Variants in ZNF280C observed in about 807,000 individuals in gnomAD.
ZNF280C encodes suppressor of hairy wing homolog 3.
ZNF280C carries 14 observed loss-of-function variants against 53.6 expected under a neutral mutation model. That is an observed-to-expected ratio of 0.26 (90% CI 0.17 to 0.41). ZNF280C has a LOEUF of 0.41. Ranked by LOEUF, ZNF280C falls within the 10% of genes least tolerant of loss-of-function variation. The pLI is 1.00. For missense variants in ZNF280C, 416 were observed against 547.1 expected (o/e 0.76, Z 2.39); for synonymous variants, 203 against 181.1 (o/e 1.12, Z -0.97).
intron 2 of ZNF280C, among the ~76,000 whole-genome samples, chrX:130,253,456 G>C (rs1475149041): frequency 8.9e-6 from 1 of 112,159 alleles, no homozygotes; most frequent in Non-Finnish European, 1.9e-5. Context: ...GGATAGCCAA[G>C]ACAAACCTAA....
intron 1 of ZNF280C, among the ~76,000 whole-genome samples, chrX:130,267,454 A>G (rs1395495797): frequency 8.9e-6 from 1 of 111,898 alleles, no homozygotes; most frequent in East Asian, 2.8e-4. Context: ...CCTAGGTTTA[A>G]GAATTGGTTC....
chrX:130,230,369 T>C, intron 9 of ZNF280C, 141 bp downstream of exon 9: 2 of 383,034 alleles, frequency 5.2e-6, no homozygotes, highest in Non-Finnish European at 8.6e-6. Flanking sequence ...ACAAAAGCTT[T>C]TCAACATGAT....
intron 1 of ZNF280C, among the ~76,000 whole-genome samples, chrX:130,263,684 A>G (rs2032654946): frequency 9.0e-6 from 1 of 111,680 alleles, no homozygotes; most frequent in Non-Finnish European, 1.9e-5. Flanking sequence ...TGCACACTTC[A>G]AATGAGTAAA....
In ZNF280C at chrX:130,215,967, T is replaced by C; in HGVS notation, c.1662A>G (p.Lys554=). The C allele has an allele frequency of 8.3e-7, 1 of 1,211,267 alleles. No individual in the cohort carries two copies. The highest frequency in any genetic ancestry group is 3.0e-5 in the East Asian group (1 of 33,832). Residue 554 remains lysine, a synonymous_variant, in exon 14 of 19, where the codon AAA becomes AAG. Coordinates refer to ENST00000370978, the MANE Select transcript of ZNF280C (RefSeq NM_017666.5). ...SQNTTARNPR[K]SNASRSKTSK... is the part of the protein sequence containing the mutation. The stretch of plus-strand genomic sequence containing the variant: ...TTGTCTTAGATCTACTGGCATTAGA[T>C]TTTCTAGGATTTCTAGCAGTTGTAT...
chrX:130,229,538 C>T (rs1325487365), intron 9 of ZNF280C, among the ~76,000 whole-genome samples: 1 of 112,134 alleles, frequency 8.9e-6, no homozygotes, highest in African/African-American at 3.2e-5. Flanking sequence ...AGTGAAGAGA[C>T]AAATCTTTGA....
intron 2 of ZNF280C, among the ~76,000 whole-genome samples, chrX:130,255,755 G>A (rs1293955894): frequency 9.0e-6 from 1 of 111,432 alleles, no homozygotes; most frequent in East Asian, 2.8e-4. Context: ...AGGAGTTCGA[G>A]ACCAGCATGG....
intron 11 of ZNF280C, 47 bp from the exon 12 acceptor site, chrX:130,226,952 C>T (rs1444530147): frequency 9.0e-7 from 1 of 1,114,594 alleles, no homozygotes; most frequent in Admixed American, 2.6e-5. Context: ...TTTATAACTT[C>T]TTGCAATTAC....
At chrX:130,209,523 T>A in intron 16 of ZNF280C, 130 bp downstream of exon 16, 1 of 544,184 alleles carries the variant, frequency 1.8e-6, no homozygotes, top group Non-Finnish European at 3.1e-6. Context: ...TGATAGGCTA[T>A]CCCTCCAACT....
chrX:130,247,048 A>G (rs1172316408), intron 2 of ZNF280C, 43 bp from the exon 3 acceptor site: 3 of 1,141,231 alleles, frequency 2.6e-6, no homozygotes, highest in East Asian at 3.0e-5. Flanking sequence ...TTTCAAAGAG[A>G]AAAATATTTT....
Position 130,260,437 on chromosome X carries a change from T to TGTC in ZNF280C, c.10_12dup (p.Asp4dup). ...TACTTACTTTTTGGTTGAAAAGGTT[T>TGTC]GTCGTCATCCATGAAGTTGCAAGGT... On this transcript the variant is annotated inframe_insertion, in exon 2 of 19. Transcript: ENST00000370978. 2 of 1,199,426 alleles carry TGTC rather than the reference T, an allele frequency of 1.7e-6. No homozygotes were observed. The highest frequency in any genetic ancestry group is 3.5e-5 in the African/African-American group (2 of 57,336).
intron 1 of ZNF280C, among the ~76,000 whole-genome samples, chrX:130,264,035 A>G (rs1242846625): frequency 1.9e-5 from 2 of 104,780 alleles, no homozygotes; most frequent in African/African-American, 7.2e-5. Context: ...AAAAAAAAAA[A>G]AAAAAAGAAA....
At chrX:130,247,709 GA>G (rs1179148654) in intron 2 of ZNF280C, among the ~76,000 whole-genome samples, 3 of 108,991 alleles carry the variant, frequency 2.8e-5, no homozygotes, top group African/African-American at 6.7e-5. Flanking sequence ...GCTATTATCT[GA>G]AAAAAAAATT....
Position 130,239,571 on chromosome X carries a change from C to A in ZNF280C, c.493+11G>T. The A allele has an allele frequency of 9.3e-7, 1 of 1,079,255 alleles. No individual in the cohort carries two copies. 88.9% of individuals were successfully genotyped at this position (1,079,255 alleles called of 1,213,427 possible). ...TTTTTATAATTTTTATGAAAGAGTG[C>A]TAAACCAAACCTTCTCTAAAAATTG... is the stretch of plus-strand genomic sequence containing the variant. On this transcript the variant is annotated intron_variant, in intron 6 of 18. Coordinates refer to ENST00000370978, the MANE Select transcript of ZNF280C (RefSeq NM_017666.5).
intron 15 of ZNF280C, among the ~76,000 whole-genome samples, chrX:130,211,511 T>C (rs773876228): frequency 1.8e-5 from 2 of 111,569 alleles, no homozygotes; most frequent in African/African-American, 3.3e-5. Flanking sequence ...CTCAAACCTA[T>C]GACAAAAGTC....
chrX:130,205,305 A>G lies in ZNF280C; in HGVS notation c.2153T>C (p.Ile718Thr). The change falls in exon 17 of 19, where the codon ATA (isoleucine) becomes ACA (threonine). Residue 718 changes from isoleucine (I) to threonine (T), a missense_variant. By Grantham distance (89) the Ile-to-Thr change is moderately conservative (BLOSUM62 -1). Transcript: ENST00000370978. Reference protein sequence around the residue: ...QRKTHTCQVIIENVSKSTSTS... With the variant: ...QRKTHTCQVITENVSKSTSTS... Reference sequence around the variant, plus strand: ...CAATTATATATACGTACCATTCTCTATTATAACTTGGCAAGTATGAGTTTT... The same window carrying G: ...CAATTATATATACGTACCATTCTCTGTTATAACTTGGCAAGTATGAGTTTT... The G allele has an allele frequency of 8.4e-7, 1 of 1,193,268 alleles. No individual in the cohort carries two copies. The highest frequency in any genetic ancestry group is 1.1e-6 in the Non-Finnish European group (1 of 880,670).
At chrX:130,246,581 T>C (rs1287058715) in intron 3 of ZNF280C, among the ~76,000 whole-genome samples, 1 of 112,347 alleles carries the variant, frequency 8.9e-6, no homozygotes, top group Non-Finnish European at 1.9e-5. Context: ...TGATTTCCAA[T>C]CTCAGAAGGC....
intron 12 of ZNF280C, among the ~76,000 whole-genome samples, chrX:130,222,323 CA>C (rs2032175460): frequency 5.5e-5 from 6 of 108,124 alleles, no homozygotes; most frequent in African/African-American, 1.7e-4. Context: ...CACACACACA[CA>C]CACACACCCT....
chrX:130,241,278 G>C (rs182301412), intron 5 of ZNF280C, among the ~76,000 whole-genome samples: 2 of 111,858 alleles, frequency 1.8e-5, no homozygotes, highest in Non-Finnish European at 3.8e-5. Context: ...CAATTCATTC[G>C]AGAATATCTG....
chrX:130,252,866 T>C (rs1044002951), intron 2 of ZNF280C, among the ~76,000 whole-genome samples: 2 of 111,749 alleles, frequency 1.8e-5, no homozygotes, highest in Admixed American at 1.9e-4. Flanking sequence ...AAGACAAGGA[T>C]GCTCTCTCTC....
Sources: gnomAD v4.1 joint callset for allele counts (sites outside exome capture counted in the v4.1 genomes callset) on GRCh38, gnomAD v4.1.1 for gene constraint, MANE v1.5 for transcripts, NCBI Gene and HGNC (gene_info 2026-07-23, HGNC 2026-07-21) for gene names.